RALYL: variants seen among roughly 807,000 people sequenced by gnomAD.
The protein encoded by RALYL is RALY RNA binding protein like.
RALYL carries 29 observed loss-of-function variants against 35.1 expected under a neutral mutation model. The ratio of observed to expected loss-of-function variants is 0.83; its 90% CI spans 0.61 to 1.13. The LOEUF is 1.13. Among genes scored for constraint, RALYL ranks in the 50% most tolerant of loss-of-function variants. RALYL has a pLI of 0.00. For synonymous variants in RALYL, 120 were observed against 127.6 expected (o/e 0.94, Z 0.40); for missense variants, 359 against 360.4 (o/e 1.00, Z 0.03).
intron 1 of RALYL, among the ~76,000 whole-genome samples, chr8:84,454,212 A>G (rs774578294): frequency 6.6e-6 from 1 of 152,040 alleles, no homozygotes; most frequent in Non-Finnish European, 1.5e-5. Flanking sequence ...AAAGCTAGCT[A>G]GAGCAGAGTC....
chr8:84,359,879 T>C (rs763748369), intron 1 of RALYL, among the ~76,000 whole-genome samples: 1 of 126,452 alleles, frequency 7.9e-6, no homozygotes, highest in Non-Finnish European at 1.8e-5. Flanking sequence ...AAAAATATCA[T>C]GTTTTTTTTT....
intron 1 of RALYL, among the ~76,000 whole-genome samples, chr8:84,501,833 A>C (rs986359053): frequency 6.7e-6 from 1 of 150,088 alleles, no homozygotes; most frequent in Non-Finnish European, 1.5e-5. Context: ...ATATTAATAA[A>C]TAATATAGAT....
At chr8:84,689,526 CGCAA>C (rs1837568175) in intron 2 of RALYL, among the ~76,000 whole-genome samples, 1 of 151,916 alleles carries the variant, frequency 6.6e-6, no homozygotes, top group East Asian at 1.9e-4. Flanking sequence ...TGAATAGTGC[CGCAA>C]TAAACATACG....
chr8:84,715,752 T>A (rs1455763697), intron 2 of RALYL, among the ~76,000 whole-genome samples: 1 of 152,088 alleles, frequency 6.6e-6, no homozygotes, highest in East Asian at 1.9e-4. Context: ...ACCTTTTGAT[T>A]CATTTTCCTT....
At chr8:84,881,036 A>G (rs1842099282) in intron 7 of RALYL, among the ~76,000 whole-genome samples, 1 of 152,024 alleles carries the variant, frequency 6.6e-6, no homozygotes, top group African/African-American at 2.4e-5. Flanking sequence ...ACACAATTAT[A>G]TACCAGTAAT....
intron 2 of RALYL, among the ~76,000 whole-genome samples, chr8:84,760,498 T>C (rs1014972718): frequency 6.6e-6 from 1 of 152,100 alleles, no homozygotes; most frequent in African/African-American, 2.4e-5. Flanking sequence ...TAATCTGATA[T>C]TGAGACGAAA....
At chr8:84,648,170 G>C (rs558027017) in intron 2 of RALYL, among the ~76,000 whole-genome samples, 116 of 152,058 alleles carry the variant, frequency 7.6e-4, no homozygotes, top group Non-Finnish European at 9.9e-4. Flanking sequence ...AGATCATTTT[G>C]GTCTCTGATT....
At chr8:84,899,076 A>G (rs754001547) in intron 8 of RALYL, among the ~76,000 whole-genome samples, 1 of 152,118 alleles carries the variant, frequency 6.6e-6, no homozygotes, top group Non-Finnish European at 1.5e-5. Context: ...ATTTTGACAC[A>G]CCGTGTCATG....
At chr8:84,683,903 C>G (rs1431436418) in intron 2 of RALYL, among the ~76,000 whole-genome samples, 1 of 152,124 alleles carries the variant, frequency 6.6e-6, no homozygotes, top group Non-Finnish European at 1.5e-5. Context: ...CCAGACTGAT[C>G]TCGAACTCCC....
chr8:84,516,933 G>T (rs932201458), intron 1 of RALYL, among the ~76,000 whole-genome samples: 1 of 152,160 alleles, frequency 6.6e-6, no homozygotes, highest in Non-Finnish European at 1.5e-5. Flanking sequence ...AAGTTAATAA[G>T]ACATACATTG....
At chr8:84,725,683 G>T (rs1177305934) in intron 2 of RALYL, among the ~76,000 whole-genome samples, 1 of 151,586 alleles carries the variant, frequency 6.6e-6, no homozygotes, top group African/African-American at 2.4e-5. Flanking sequence ...TGAGTTATTA[G>T]TAAGAAATAT....
chr8:84,912,333 T>TA (rs1847648622), intron 8 of RALYL, among the ~76,000 whole-genome samples: 1 of 152,102 alleles, frequency 6.6e-6, no homozygotes, highest in Non-Finnish European at 1.5e-5. Context: ...TTAGGAGCTC[T>TA]GTGCTAGGAA....
At chr8:84,356,484 A>G (rs1851857203) in intron 1 of RALYL, among the ~76,000 whole-genome samples, 1 of 150,372 alleles carries the variant, frequency 6.7e-6, no homozygotes, top group South Asian at 2.1e-4. Flanking sequence ...AACAGACATC[A>G]TGTTATCATT....
intron 1 of RALYL, among the ~76,000 whole-genome samples, chr8:84,385,644 C>T (rs1239663275): frequency 6.6e-6 from 1 of 151,860 alleles, no homozygotes; most frequent in Non-Finnish European, 1.5e-5. Flanking sequence ...GCCTTCTCCT[C>T]AAGATTGACT....
chr8:84,894,515 T>C (rs1220545892), intron 8 of RALYL, among the ~76,000 whole-genome samples: 1 of 152,162 alleles, frequency 6.6e-6, no homozygotes, highest in East Asian at 1.9e-4. Context: ...AAGACAGCAG[T>C]ACCCTTATTT....
At chr8:84,531,895 A>G (rs369625966) in intron 2 of RALYL, among the ~76,000 whole-genome samples, 8 of 152,156 alleles carry the variant, frequency 5.3e-5, no homozygotes, top group African/African-American at 1.9e-4. Context: ...CACAAACCCA[A>G]GGAAAAAAAT....
At chr8:84,594,435 T>C (rs1814009335) in intron 2 of RALYL, among the ~76,000 whole-genome samples, 1 of 152,026 alleles carries the variant, frequency 6.6e-6, no homozygotes, top group Non-Finnish European at 1.5e-5. Context: ...GCTTATTTTA[T>C]AAACAAGATT....
At chr8:84,781,799 A>G (rs143712635) in intron 3 of RALYL, among the ~76,000 whole-genome samples, 2 of 152,318 alleles carry the variant, frequency 1.3e-5, no homozygotes, top group East Asian at 1.9e-4. Context: ...GAGCACAACA[A>G]ACTTAGCCAT....
intron 4 of RALYL, among the ~76,000 whole-genome samples, chr8:84,843,852 A>G (rs1041017682): frequency 1.3e-5 from 2 of 152,204 alleles, no homozygotes; most frequent in Non-Finnish European, 2.9e-5. Flanking sequence ...AACCTGACAA[A>G]AACAAGCAAT....
Sources: gnomAD v4.1 joint callset for allele counts (sites outside exome capture counted in the v4.1 genomes callset) on GRCh38, gnomAD v4.1.1 for gene constraint, MANE v1.5 for transcripts, NCBI Gene and HGNC (gene_info 2026-07-23, HGNC 2026-07-21) for gene names.